Variants in HSPA12A observed in about 807,000 individuals in gnomAD.
HSPA12A encodes the protein heat shock 70 kDa protein 12A.
A neutral mutation model predicts 69.2 loss-of-function variants in HSPA12A; 28 were observed. The ratio of observed to expected loss-of-function variants is 0.40; its 90% confidence interval spans 0.30 to 0.55. HSPA12A has a LOEUF of 0.55. Ranked by LOEUF, HSPA12A falls within the 20% of genes least tolerant of loss-of-function variation. The pLI is 0.38. For missense variants in HSPA12A, 686 were observed against 900.7 expected, an observed-to-expected ratio of 0.76 and a Z score of 3.05; for synonymous variants, 345 against 370.5, an observed-to-expected ratio of 0.93 and a Z score of 0.79.
At chr10:116,837,578 C>T (rs1845737017) in intron 1 of HSPA12A, among the ~76,000 whole-genome samples, 1 of 152,160 alleles carries the variant, frequency 6.6e-6, no homozygotes. Flanking sequence ...TGCAGCTAAA[C>T]CCTCTGAAAG....
intron 2 of HSPA12A, chr10:116,834,831 G>A (rs976090876): frequency 1.1e-5 from 6 of 549,732 alleles, no homozygotes; most frequent in Non-Finnish European, 1.3e-5. Context: ...AAGTTTAAAC[G>A]TCCCAGTTTT....
At chr10:116,838,220 G>A (rs1169082160) in intron 1 of HSPA12A, among the ~76,000 whole-genome samples, 3 of 151,846 alleles carry the variant, frequency 2.0e-5, no homozygotes, top group Non-Finnish European at 2.9e-5. Context: ...TTGGACTATC[G>A]AGGCTGGAAA....
chr10:116,831,126 C>T (rs1845605902), intron 2 of HSPA12A: 1 of 152,082 alleles, frequency 6.6e-6, no homozygotes, highest in Non-Finnish European at 1.5e-5. Context: ...GGTGGCAGGG[C>T]TTAAATGATA....
chr10:116,703,762 G>C (rs577419866), intron 3 of HSPA12A, among the ~76,000 whole-genome samples: 42 of 152,212 alleles, frequency 2.8e-4, no homozygotes, highest in Admixed American at 9.2e-4. Context: ...CCATGGATGG[G>C]TGGCACCCGG....
intron 1 of HSPA12A, among the ~76,000 whole-genome samples, chr10:116,730,387 A>C (rs1554885561): frequency 1.3e-5 from 2 of 152,166 alleles, no homozygotes; most frequent in African/African-American, 2.4e-5. Context: ...CCAGGACCCA[A>C]ACCAGGACTT....
intron 2 of HSPA12A, among the ~76,000 whole-genome samples, chr10:116,827,205 G>A (rs530663218): frequency 3.5e-4 from 54 of 152,272 alleles, no homozygotes; most frequent in African/African-American, 1.0e-3. Context: ...ATATCCTAAG[G>A]TTAAAAAAGG....
At chr10:116,747,761 G>A (rs184160668) in intron 2 of HSPA12A, among the ~76,000 whole-genome samples, 1 of 152,314 alleles carries the variant, frequency 6.6e-6, no homozygotes, top group Non-Finnish European at 1.5e-5. Context: ...CATTTGGGGA[G>A]GCCGAGACGG....
At chr10:116,743,427 G>C (rs1258281751), upstream of HSPA12A, among the ~76,000 whole-genome samples, 1 of 152,206 alleles carries the variant, frequency 6.6e-6, no homozygotes, top group Non-Finnish European at 1.5e-5. Context: ...ACCGTCACTG[G>C]GTCGTTTCCG....
At chr10:116,702,157 G>A (rs1188632361) in intron 3 of HSPA12A, among the ~76,000 whole-genome samples, 1 of 152,072 alleles carries the variant, frequency 6.6e-6, no homozygotes, top group Non-Finnish European at 1.5e-5. Context: ...GCTGCAGTGA[G>A]AGCAAGGGAA....
chr10:116,705,894 T>TTTC (rs1850231685), intron 2 of HSPA12A, among the ~76,000 whole-genome samples: 2 of 29,254 alleles, frequency 6.8e-5, no homozygotes, highest in African/African-American at 2.1e-4. Flanking sequence ...CTCTCTCTCC[T>TTTC]TTTTTTTTTT....
intron 2 of HSPA12A, among the ~76,000 whole-genome samples, chr10:116,804,521 C>T (rs1220413528): frequency 2.0e-5 from 3 of 152,092 alleles, no homozygotes; most frequent in African/African-American, 4.8e-5. Flanking sequence ...CTCTACCTCC[C>T]CTTCCTCTCC....
intron 2 of HSPA12A, among the ~76,000 whole-genome samples, chr10:116,824,872 T>C (rs1845473297): frequency 6.6e-6 from 1 of 151,838 alleles, no homozygotes. Context: ...GAACTTGTGA[T>C]CTGCCTGCCT....
chr10:116,676,539 G>A (rs1849241199), intron 10 of HSPA12A, 37 bp from the exon 11 acceptor site: 2 of 1,494,862 alleles, frequency 1.3e-6, no homozygotes, highest in African/African-American at 1.4e-5. Context: ...CAGGCAGTGA[G>A]GGTCTACACG....
chr10:116,806,289 C>G (rs1436707227), intron 2 of HSPA12A, among the ~76,000 whole-genome samples: 1 of 152,216 alleles, frequency 6.6e-6, no homozygotes, highest in African/African-American at 2.4e-5. Flanking sequence ...CAACCTCCAC[C>G]TCCCCAGCTC....
chr10:116,681,681 C>T (rs1724553759), intron 8 of HSPA12A, 110 bp downstream of exon 8: 4 of 880,930 alleles, frequency 4.5e-6, no homozygotes, highest in Non-Finnish European at 5.5e-6. Context: ...GTCTTTAGAA[C>T]CCACTGAGTT....
At chr10:116,817,441 G>T (rs1564829488) in intron 2 of HSPA12A, among the ~76,000 whole-genome samples, 1 of 148,326 alleles carries the variant, frequency 6.7e-6, no homozygotes, top group Non-Finnish European at 1.5e-5. Context: ...AGCTACTCCT[G>T]ATGCCGTCAA....
chr10:116,796,020 T>C (rs1233185416), intron 2 of HSPA12A, among the ~76,000 whole-genome samples: 3 of 149,950 alleles, frequency 2.0e-5, no homozygotes, highest in African/African-American at 7.4e-5. Context: ...TGGTGGTGGG[T>C]GCCTGTAGTC....
chr10:116,823,591 A>G (rs890799985), intron 2 of HSPA12A, among the ~76,000 whole-genome samples: 5 of 152,234 alleles, frequency 3.3e-5, no homozygotes, highest in African/African-American at 1.2e-4. Context: ...CCAGAAATAA[A>G]CCCTCACATG....
Position 116,707,209 on chromosome 10 carries a change from G to A in HSPA12A, c.117C>T (p.Ser39=), listed in dbSNP as rs1489106445. 6.2e-7 allele frequency: 1 copy of A among 1,602,366 alleles called. No homozygotes were observed. Among genetic ancestry groups the A allele is most frequent in the Admixed American group, 1.7e-5 (1 of 59,364 alleles). The change falls in exon 2 of 12, where the codon TCC becomes TCT. Residue 39 remains serine (S), a synonymous_variant. Transcript: ENST00000369209. ...GDTGITPLSP[S]HIVNDTDSNV... Reference sequence around the variant, plus strand: ...CACACACACTTCTTACCACAATATGGGAGGGGGACAGAGGCGTTATTCCTG... The same window carrying A: ...CACACACACTTCTTACCACAATATGAGAGGGGGACAGAGGCGTTATTCCTG...
Sources: allele counts gnomAD v4.1 joint callset (sites outside exome capture counted in the v4.1 genomes callset), GRCh38; gene constraint gnomAD v4.1.1; transcripts MANE v1.5; gene names NCBI Gene and HGNC (gene_info 2026-07-23, HGNC 2026-07-21).